Variants in HTR2C observed in about 807,000 individuals in gnomAD.
The protein encoded by HTR2C is 5-hydroxytryptamine (serotonin) receptor 2C, G protein-coupled.
A neutral mutation model predicts 21.0 loss-of-function variants in HTR2C; 5 were observed. The ratio of observed to expected loss-of-function variants is 0.24; its 90% CI spans 0.12 to 0.50. The LOEUF is 0.50. HTR2C is among the 20% of genes least tolerant of loss of function. The pLI is 0.98. For missense variants in HTR2C, 271 were observed against 371.2 expected, an observed-to-expected ratio of 0.73 and a Z score of 2.22; for synonymous variants, 150 against 145.3, an observed-to-expected ratio of 1.03 and a Z score of -0.23.
chrX:114,799,107 T>C (rs1333713607), intron 4 of HTR2C, among the ~76,000 whole-genome samples: 1 of 109,790 alleles, frequency 9.1e-6, no homozygotes, highest in Non-Finnish European at 1.9e-5. Context: ...ATAAGTGCCA[T>C]ATGAAGTAAG....
At chrX:114,898,194 A>G (rs1488747802) in intron 5 of HTR2C, among the ~76,000 whole-genome samples, 3 of 112,933 alleles carry the variant, frequency 2.7e-5, no homozygotes, top group East Asian at 5.6e-4. Context: ...TCTTGGCCAC[A>G]TGAGTAGCTT....
intron 1 of HTR2C, among the ~76,000 whole-genome samples, chrX:114,596,734 T>C (rs1927863240): frequency 8.9e-6 from 1 of 111,999 alleles, no homozygotes; most frequent in South Asian, 3.7e-4. Flanking sequence ...CCCTGGAAAA[T>C]ATATCTAGAT....
chrX:114,830,698 T>C (rs1383132250), intron 4 of HTR2C, among the ~76,000 whole-genome samples: 6 of 108,924 alleles, frequency 5.5e-5, no homozygotes, highest in Non-Finnish European at 9.5e-5. Context: ...CTGTTTTTTG[T>C]TTTTTTTATT....
At chrX:114,616,708 G>A (rs1556400364) in intron 2 of HTR2C, among the ~76,000 whole-genome samples, 2 of 112,184 alleles carry the variant, frequency 1.8e-5, no homozygotes, top group African/African-American at 6.5e-5. Context: ...ATAGATGTAT[G>A]TATATATTTA....
At chrX:114,845,612 A>T (rs782698271) in intron 4 of HTR2C, among the ~76,000 whole-genome samples, 1 of 109,219 alleles carries the variant, frequency 9.2e-6, no homozygotes, top group Non-Finnish European at 1.9e-5. Flanking sequence ...AAGTTGACAA[A>T]TCTTTAGATA....
At chrX:114,739,710 A>G (rs145421238) in intron 4 of HTR2C, among the ~76,000 whole-genome samples, 2,232 of 112,133 alleles carry the variant, frequency 0.02, 24 homozygotes, top group Non-Finnish European at 0.03. Context: ...CAAAGGGCTA[A>G]TATCTCTAAT....
In HTR2C at chrX:114,613,809, T is replaced by C. The variant is rs199552546; in HGVS notation, c.-146-6T>C. ...TTACTGCATTTTTCTCAATGTTTGC[T>C]TTTAGGGTTATCAGCTAACACCCGC... is the stretch of plus-strand genomic sequence containing the variant. On this transcript the variant is annotated splice_polypyrimidine_tract_variant and splice_region_variant and intron_variant, in intron 1 of 5. Transcript: ENST00000276198. 6 of 111,877 alleles carry C rather than the reference T, an allele frequency of 5.4e-5. No homozygotes were observed. Among genetic ancestry groups the C allele is most frequent in the Non-Finnish European group, 1.1e-4 (6 of 53,207 alleles). The allele number at this position is 111,877 out of a possible 1,213,427, so 9.2% of individuals were successfully genotyped here.
At chrX:114,866,069 G>A (rs1161215013) in intron 5 of HTR2C, among the ~76,000 whole-genome samples, 3 of 111,172 alleles carry the variant, frequency 2.7e-5, no homozygotes, top group Non-Finnish European at 5.7e-5. Context: ...TGCCTTCCTC[G>A]GCCTCCCAAA....
rs199975651 is a variant in HTR2C at position 114,726,905 on chromosome X, T to G, written c.-32T>G. On this transcript the variant is annotated 5_prime_UTR_variant, in exon 3 of 6. Coordinates refer to ENST00000276198, the MANE Select transcript of HTR2C (RefSeq NM_000868.4). Reference sequence around the variant, plus strand: ...GCCTGTTAATTTCGTCTTCTCAATTTTAAACTTTGGTTGCTTAAGACTGAA... The same window carrying G: ...GCCTGTTAATTTCGTCTTCTCAATTGTAAACTTTGGTTGCTTAAGACTGAA... 71 of 1,059,690 alleles carry G rather than the reference T, an allele frequency of 6.7e-5. No individual in the cohort carries two copies. The highest frequency in any genetic ancestry group is 8.5e-5 in the Non-Finnish European group (67 of 787,809). 87.3% of individuals were successfully genotyped at this position (1,059,690 alleles called of 1,213,427 possible).
rs1162620378 is a variant in HTR2C, at chrX:114,628,008, T to C, written c.-80+14127T>C. Among the ~76,000 whole-genome samples the C allele has an allele frequency of 5.4e-5, 6 of 111,544 alleles. No individual in the cohort carries two copies. The Admixed American group carries it at 5.7e-4, about 11-fold the overall frequency. On this transcript the variant is annotated intron_variant, in intron 2 of 5. Coordinates refer to ENST00000276198, the MANE Select transcript of HTR2C (RefSeq NM_000868.4). Reference sequence around the variant, plus strand: ...GCCTAGTGGATCCTGAAAACAATTTTAGTTCACTAGTCTGAATCAATTAGA... The same window carrying C: ...GCCTAGTGGATCCTGAAAACAATTTCAGTTCACTAGTCTGAATCAATTAGA...
In HTR2C at chrX:114,584,646, C is replaced by T. The variant is rs1381627988; in HGVS notation, c.-160C>T. ...GCGGCGACCGCTGCCTGGTCTTCCTCCCGGACGCTAGTGGTAAGTTGGAGC... is the reference window on the plus strand; with the variant it reads ...GCGGCGACCGCTGCCTGGTCTTCCTTCCGGACGCTAGTGGTAAGTTGGAGC... On this transcript the variant is annotated 5_prime_UTR_variant, in exon 1 of 6. Coordinates refer to ENST00000276198, the MANE Select transcript of HTR2C (RefSeq NM_000868.4). 1 of 112,434 alleles carries T rather than the reference C, an allele frequency of 8.9e-6. No homozygotes were observed. The highest frequency in any genetic ancestry group is 1.9e-5 in the Non-Finnish European group (1 of 53,231). 9.3% of individuals were successfully genotyped at this position (112,434 alleles called of 1,213,427 possible).
At chrX:114,826,487 G>A (rs2070679388) in intron 4 of HTR2C, among the ~76,000 whole-genome samples, 1 of 111,952 alleles carries the variant, frequency 8.9e-6, no homozygotes, top group Admixed American at 9.5e-5. Flanking sequence ...AAAATTATTT[G>A]CAATATTGCA....
chrX:114,811,828 C>T (rs1556452813), intron 4 of HTR2C, among the ~76,000 whole-genome samples: 1 of 112,318 alleles, frequency 8.9e-6, no homozygotes, highest in African/African-American at 3.2e-5. Flanking sequence ...CCATTAACAA[C>T]CACCAGTTCA....
intron 2 of HTR2C, among the ~76,000 whole-genome samples, chrX:114,722,614 C>T: frequency 9.4e-6 from 1 of 106,854 alleles, no homozygotes; most frequent in Middle Eastern, 4.7e-3. Context: ...GGAATGCTTC[C>T]AGTTTTTGCC....
At chrX:114,830,573 A>G (rs1357110556) in intron 4 of HTR2C, among the ~76,000 whole-genome samples, 1 of 109,510 alleles carries the variant, frequency 9.1e-6, no homozygotes, top group Non-Finnish European at 1.9e-5. Context: ...AAAGACTTTT[A>G]ATTGGTAACT....
chrX:114,701,807 T>A (rs1932517654), intron 2 of HTR2C, among the ~76,000 whole-genome samples: 1 of 111,310 alleles, frequency 9.0e-6, no homozygotes, highest in African/African-American at 3.3e-5. Context: ...AGTTAAAAAC[T>A]TTGAAAAAAA....
At chrX:114,761,962 T>C (rs1556432603) in intron 4 of HTR2C, among the ~76,000 whole-genome samples, 125 of 76,284 alleles carry the variant, frequency 1.6e-3, no homozygotes, top group Non-Finnish European at 2.1e-3. Context: ...TATATATACA[T>C]ATATGTGTAT....
chrX:114,892,919 TA>T (rs1333447835), intron 5 of HTR2C, among the ~76,000 whole-genome samples: 2 of 105,482 alleles, frequency 1.9e-5, no homozygotes, highest in African/African-American at 6.7e-5. Flanking sequence ...TTTTTATTTT[TA>T]TTTTTTTTTT....
chrX:114,764,877 T>TAA (rs2069923499), intron 4 of HTR2C, among the ~76,000 whole-genome samples: 1 of 44,925 alleles, frequency 2.2e-5, no homozygotes, highest in African/African-American at 8.5e-5. Flanking sequence ...CTTTCTTTCT[T>TAA]TCTTTCTTTC....
Sources: allele counts gnomAD v4.1 joint callset (sites outside exome capture counted in the v4.1 genomes callset), GRCh38; gene constraint gnomAD v4.1.1; transcripts MANE v1.5; gene names NCBI Gene and HGNC (gene_info 2026-07-23, HGNC 2026-07-21).